CREB5: variants seen among roughly 807,000 people sequenced by gnomAD.
The protein encoded by CREB5 is cyclic AMP-responsive element-binding protein 5.
CREB5 carries 19 observed loss-of-function variants against 57.1 expected under a neutral mutation model. The observed-to-expected ratio is 0.33, with a 90% CI of 0.23 to 0.49. The LOEUF (loss-of-function observed/expected upper bound fraction) is 0.49, where lower values mean the gene tolerates loss of function less well. CREB5 is among the 20% of genes least tolerant of loss of function. The probability of loss-of-function intolerance (pLI) is 0.99; values close to 1 mark genes in which losing one functional copy is unlikely to be tolerated. For missense variants in CREB5, 579 were observed against 671.6 expected (o/e 0.86, Z 1.52); for synonymous variants, 238 against 238.3 (o/e 1.00, Z 0.01).
chr7:28,393,340 A>C (rs958202965), intron 1 of CREB5, among the ~76,000 whole-genome samples: 4 of 152,220 alleles, frequency 2.6e-5, no homozygotes, highest in African/African-American at 9.6e-5. Context: ...CTAAAGGTTT[A>C]GATTTTCAAA....
chr7:28,301,302 T>C (rs376410666), intron 1 of CREB5, among the ~76,000 whole-genome samples: 14 of 152,190 alleles, frequency 9.2e-5, no homozygotes, highest in African/African-American at 3.4e-4. Context: ...GACTAGTGTG[T>C]GTGGGAGCAA....
chr7:28,462,187 G>A (rs1790377325), intron 1 of CREB5, among the ~76,000 whole-genome samples: 1 of 152,122 alleles, frequency 6.6e-6, no homozygotes, highest in Admixed American at 6.5e-5. Context: ...TTTTGTGTTT[G>A]TGTTCTTTCA....
At chr7:28,403,102 A>C (rs2128000020) in intron 1 of CREB5, among the ~76,000 whole-genome samples, 1 of 152,330 alleles carries the variant, frequency 6.6e-6, no homozygotes, top group East Asian at 1.9e-4. Context: ...CAAGACTGGA[A>C]GGGTAAAGTG....
At chr7:28,516,344 TA>T (rs1409475354) in intron 4 of CREB5, among the ~76,000 whole-genome samples, 1 of 152,108 alleles carries the variant, frequency 6.6e-6, no homozygotes, top group African/African-American at 2.4e-5. Context: ...ATAGTGGGTA[TA>T]AAAAGGGGAT....
At chr7:28,735,444 A>G (rs1163348375) in intron 7 of CREB5, among the ~76,000 whole-genome samples, 1 of 152,172 alleles carries the variant, frequency 6.6e-6, no homozygotes, top group Non-Finnish European at 1.5e-5. Flanking sequence ...ATCTCTGGCC[A>G]TTTTTATTTC....
chr7:28,803,719 GCACTCCAGC>G (rs1314242034), intron 7 of CREB5, among the ~76,000 whole-genome samples: 1 of 137,890 alleles, frequency 7.3e-6, no homozygotes, highest in Non-Finnish European at 1.5e-5. Flanking sequence ...TCGCACCACT[GCACTCCAGC>G]CTGAGTGACA....
intron 5 of CREB5, among the ~76,000 whole-genome samples, chr7:28,677,260 T>C (rs1800364650): frequency 6.6e-6 from 1 of 152,236 alleles, no homozygotes; most frequent in Non-Finnish European, 1.5e-5. Context: ...GTGTGGACTA[T>C]GGATCACTAG....
chr7:28,560,866 C>CGTGCGTG (rs1562797336), intron 4 of CREB5, among the ~76,000 whole-genome samples: 1 of 50,264 alleles, frequency 2.0e-5, no homozygotes, highest in African/African-American at 7.0e-5. Context: ...GTGCGTGTGC[C>CGTGCGTG]TGCGTGCGCG....
At chr7:28,785,229 G>A (rs1807250042) in intron 7 of CREB5, among the ~76,000 whole-genome samples, 1 of 152,150 alleles carries the variant, frequency 6.6e-6, no homozygotes, top group Non-Finnish European at 1.5e-5. Flanking sequence ...ACCGGGGTTG[G>A]GAAGCATCTG....
At chr7:28,480,424 G>T (rs1044881674) in intron 1 of CREB5, among the ~76,000 whole-genome samples, 7 of 152,266 alleles carry the variant, frequency 4.6e-5, no homozygotes, top group Middle Eastern at 6.8e-3. Flanking sequence ...AAATGACAAT[G>T]AAATACTTTC....
chr7:28,518,943 A>T (rs1793089579), intron 4 of CREB5, among the ~76,000 whole-genome samples: 1 of 152,182 alleles, frequency 6.6e-6, no homozygotes, highest in Non-Finnish European at 1.5e-5. Flanking sequence ...TGAAGTTCTA[A>T]ACACAGGAAG....
At chr7:28,456,851 C>T (rs1054918605) in intron 1 of CREB5, among the ~76,000 whole-genome samples, 6 of 152,228 alleles carry the variant, frequency 3.9e-5, no homozygotes, top group African/African-American at 1.4e-4. Flanking sequence ...ACAGCCAGAA[C>T]AAGGGTAAAG....
chr7:28,735,102 G>A (rs1174036396), intron 7 of CREB5, among the ~76,000 whole-genome samples: 8 of 150,890 alleles, frequency 5.3e-5, no homozygotes, highest in Admixed American at 2.6e-4. Context: ...ACACTTAATC[G>A]TTTTGGTTTT....
At chr7:28,621,089 C>A (rs1797773519) in intron 5 of CREB5, among the ~76,000 whole-genome samples, 1 of 151,978 alleles carries the variant, frequency 6.6e-6, no homozygotes, top group Non-Finnish European at 1.5e-5. Context: ...AACCAAGTGG[C>A]CTTGGAATTG....
At chr7:28,400,149 C>A (rs1255950731) in intron 1 of CREB5, among the ~76,000 whole-genome samples, 1 of 152,116 alleles carries the variant, frequency 6.6e-6, no homozygotes, top group Non-Finnish European at 1.5e-5. Context: ...AAAGGAGAGA[C>A]AAAGTGTCTT....
Position 28,825,039 on chromosome 7 carries a change from G to C in CREB5, c.*5760G>C, listed in dbSNP as rs1186066704. ...TTATAGGATTGGATATTTTACAATA[G>C]AATAATTTAGCCTCAGGACTGAGAA... On this transcript the variant is annotated 3_prime_UTR_variant, in exon 11 of 11. Transcript: ENST00000357727. 6.6e-6 allele frequency: 1 copy of C among 152,598 alleles called. No individual in the cohort carries two copies. Among genetic ancestry groups the C allele is most frequent in the African/African-American group, 2.4e-5 (1 of 41,444 alleles). The allele number at this position is 152,598 out of a possible 1,614,324, so 9.5% of individuals were successfully genotyped here. A position where few individuals can be genotyped will look rare whatever the true frequency, so the allele number is the denominator to read the frequency against.
intron 1 of CREB5, among the ~76,000 whole-genome samples, chr7:28,395,518 C>A (rs947788782): frequency 1.3e-5 from 2 of 152,178 alleles, no homozygotes; most frequent in Non-Finnish European, 2.9e-5. Flanking sequence ...TGGTGTGAAA[C>A]CAGGTTCTCC....
chr7:28,353,125 T>A (rs1271652290), intron 1 of CREB5, among the ~76,000 whole-genome samples: 1 of 152,236 alleles, frequency 6.6e-6, no homozygotes, highest in African/African-American at 2.4e-5. Flanking sequence ...AGTCTTGCTC[T>A]GTTGCCAAAG....
intron 5 of CREB5, among the ~76,000 whole-genome samples, chr7:28,652,434 T>C (rs1001490015): frequency 4.6e-5 from 7 of 152,218 alleles, no homozygotes; most frequent in African/African-American, 7.2e-5. Context: ...TGAGTATTTA[T>C]AGAAAGCCAG....
Sources: allele counts gnomAD v4.1 joint callset (sites outside exome capture counted in the v4.1 genomes callset), GRCh38; gene constraint gnomAD v4.1.1; transcripts MANE v1.5; gene names NCBI Gene and HGNC (gene_info 2026-07-23, HGNC 2026-07-21).